Variants in MECR observed in about 807,000 individuals in gnomAD.
The protein encoded by MECR is enoyl-[acyl-carrier-protein] reductase, mitochondrial.
MECR carries 37 observed loss-of-function variants against 49.1 expected under a neutral mutation model. The observed-to-expected ratio is 0.75, with a 90% CI of 0.58 to 0.99. The LOEUF (loss-of-function observed/expected upper bound fraction) is 0.99, where lower values mean the gene tolerates loss of function less well. MECR is among the 50% of genes least tolerant of loss of function. The pLI is 0.00. For synonymous variants in MECR, 198 were observed against 191.1 expected (o/e 1.04, Z -0.30); for missense variants, 470 against 479.6 (o/e 0.98, Z 0.19).
the MECR span, among the ~76,000 whole-genome samples, chr1:29,184,771 G>A: frequency 2.6e-5 from 4 of 151,040 alleles, no homozygotes; most frequent in South Asian, 2.1e-4. Flanking sequence ...AGGCCACAGC[G>A]CCCAGCCTAT....
At chr1:29,191,875 C>T (rs576551848), downstream of MECR, among the ~76,000 whole-genome samples, 6 of 152,210 alleles carry the variant, frequency 3.9e-5, no homozygotes, top group East Asian at 5.8e-4. Flanking sequence ...GGGTGGATCA[C>T]GAGGTCAGGA....
the MECR span, among the ~76,000 whole-genome samples, chr1:29,179,842 C>G: frequency 6.6e-6 from 1 of 152,176 alleles, no homozygotes; most frequent in East Asian, 1.9e-4. Flanking sequence ...TTTCTGCCTC[C>G]TCCCCCAATT....
chr1:29,212,127 T>A (rs1375793199), intron 3 of MECR, among the ~76,000 whole-genome samples: 2 of 152,162 alleles, frequency 1.3e-5, no homozygotes, highest in Non-Finnish European at 2.9e-5. Context: ...CTTAAAAGAC[T>A]CACCTGCTGG....
At chr1:29,168,002 G>A in the MECR span, among the ~76,000 whole-genome samples, 1 of 143,706 alleles carries the variant, frequency 7.0e-6, no homozygotes, top group African/African-American at 2.5e-5. Context: ...AAACCACAAG[G>A]TTCTAATTCC....
chr1:29,173,466 C>CT, the MECR span: 146 of 73,092 alleles, frequency 2.0e-3, no homozygotes, highest in South Asian at 0.018. Flanking sequence ...TTTTTTTTTT[C>CT]TTTTTTTTTT....
chr1:29,194,242 C>T (rs886431461), intron 9 of MECR, 63 bp from the exon 10 acceptor site: 96 of 1,516,724 alleles, frequency 6.3e-5, no homozygotes, highest in Non-Finnish European at 8.2e-5. Context: ...AGATGTGGCA[C>T]GGGGCTGCCC....
Position 29,206,899 on chromosome 1 carries a change from C to G in MECR, c.413G>C (p.Trp138Ser). 5.6e-6 allele frequency: 9 copies of G among 1,614,040 alleles called. No homozygotes were observed. The highest frequency in any genetic ancestry group is 7.6e-6 in the Non-Finnish European group (9 of 1,179,992). Residue 138 changes from tryptophan (W) to serine (S), a missense_variant, in exon 4 of 10, where the codon TGG becomes TCG. By Grantham distance (177) the Trp-to-Ser change is radical. Transcript: ENST00000263702. ...CTCGCTGAACACAGCCTCGGTCCGC[C>G]AGGTTCCTGAGTCAGAAGATGAAGC... Reference protein sequence around the residue: ...VIPANAGLGTWRTEAVFSEEA... With the variant: ...VIPANAGLGTSRTEAVFSEEA...
At chr1:29,216,718 C>T in intron 1 of MECR, 33 bp from the exon 2 acceptor site, 1 of 1,614,108 alleles carries the variant, frequency 6.2e-7, no homozygotes, top group South Asian at 1.1e-5. Flanking sequence ...ATGTTCATGT[C>T]ATCCAGGCTA....
At chr1:29,216,521 G>A in intron 2 of MECR, 67 bp downstream of exon 2, 1 of 1,468,076 alleles carries the variant, frequency 6.8e-7, no homozygotes, top group Non-Finnish European at 9.5e-7. Flanking sequence ...CACCTGAGGA[G>A]GAATGAAAAT....
intron 7 of MECR, among the ~76,000 whole-genome samples, chr1:29,197,778 C>G (rs918805171): frequency 1.2e-4 from 18 of 152,232 alleles, no homozygotes; most frequent in Non-Finnish European, 2.6e-4. Flanking sequence ...TTCATCTAAT[C>G]AGACTAGCTG....
intron 7 of MECR, among the ~76,000 whole-genome samples, chr1:29,199,675 G>C (rs1674866650): frequency 1.3e-5 from 2 of 151,794 alleles, no homozygotes; most frequent in South Asian, 2.1e-4. Flanking sequence ...CTGGAGTAGA[G>C]TGGTGTGATC....
At chr1:29,180,912 G>A in the MECR span, among the ~76,000 whole-genome samples, 3 of 152,176 alleles carry the variant, frequency 2.0e-5, no homozygotes, top group African/African-American at 7.2e-5. Flanking sequence ...TAGCCAGGGT[G>A]GCCACTATTC....
In MECR at chr1:29,197,198, C is replaced by T. The variant is rs561869356; in HGVS notation, c.831-940G>A. Among the ~76,000 whole-genome samples the T allele has an allele frequency of 4.5e-4, 68 of 152,350 alleles. 1 individual carries two copies. The South Asian group carries it at 6.6e-3, about 15-fold the overall frequency. On this transcript the variant is annotated intron_variant, in intron 7 of 9. Transcript: ENST00000263702. ...TAAGTGCTGAAAAGAAACATGCTCT[C>T]CCCAGATGAGCTCGAGGCCTGAGTT... is the stretch of plus-strand genomic sequence containing the variant.
intron 3 of MECR, 147 bp downstream of exon 3, chr1:29,215,858 C>A: frequency 9.9e-7 from 1 of 1,014,804 alleles, no homozygotes. Flanking sequence ...GCAATAAGAG[C>A]AAAACTCCGT....
At chr1:29,181,434 C>T in the MECR span, among the ~76,000 whole-genome samples, 1 of 152,168 alleles carries the variant, frequency 6.6e-6, no homozygotes, top group African/African-American at 2.4e-5. Flanking sequence ...GGCCTCAGCA[C>T]AGCTCCCATT....
chr1:29,201,277 C>A lies in MECR; in HGVS notation c.756+666G>T. On this transcript the variant is annotated intron_variant, in intron 6 of 9. Transcript: ENST00000263702. The surrounding 1 kb of genome is among the most constrained non-coding windows in gnomAD (Gnocchi z 4.3). ...TGATATTATATATGCTGATCTACTG[C>A]TTCAGAAATGTTCGCAAGAAGCGCA... 1 of 440,506 alleles carries A rather than the reference C, an allele frequency of 2.3e-6. No homozygotes were observed. Among genetic ancestry groups the A allele is most frequent in the Non-Finnish European group, 4.6e-6 (1 of 218,762 alleles). The allele number at this position is 440,506 out of a possible 1,614,324, so 27.3% of individuals were successfully genotyped here. A position where few individuals can be genotyped will look rare whatever the true frequency, so the allele number is the denominator to read the frequency against.
intron 1 of MECR, 151 bp downstream of exon 1, chr1:29,230,580 T>G (rs941853054): frequency 1.3e-4 from 121 of 921,508 alleles, no homozygotes; most frequent in Admixed American, 1.8e-4. Flanking sequence ...ACGGTCTTTC[T>G]GACCTACCAA....
intron 5 of MECR, 38 bp downstream of exon 5, chr1:29,203,093 A>G: frequency 3.3e-6 from 5 of 1,504,148 alleles, no homozygotes; most frequent in East Asian, 2.5e-5. Context: ...GGAAAGACCC[A>G]AGACATGGTC....
At chr1:29,215,251 C>G (rs1309943475) in intron 3 of MECR, among the ~76,000 whole-genome samples, 1 of 152,176 alleles carries the variant, frequency 6.6e-6, no homozygotes, top group African/African-American at 2.4e-5. Context: ...TTTACATCCT[C>G]CACATGAAGT....
Sources: allele counts gnomAD v4.1 joint callset (sites outside exome capture counted in the v4.1 genomes callset), GRCh38; gene constraint gnomAD v4.1.1; non-coding constraint Gnocchi (gnomAD v3.1); transcripts MANE v1.5; gene names NCBI Gene and HGNC (gene_info 2026-07-23, HGNC 2026-07-21).